WWOX: variants seen among roughly 807,000 people sequenced by gnomAD.
WWOX encodes the protein WW domain-containing oxidoreductase.
WWOX carries 69 observed loss-of-function variants against 46.2 expected under a neutral mutation model. The ratio of observed to expected loss-of-function variants is 1.49; its 90% confidence interval spans 1.23 to 1.82. WWOX has a LOEUF of 1.82. Ranked by LOEUF, WWOX falls within the 40% of genes most tolerant of loss-of-function variation. The probability of loss-of-function intolerance (pLI) is 0.00; values close to 1 mark genes in which losing one functional copy is unlikely to be tolerated. For synonymous variants in WWOX, 359 were observed against 202.6 expected, an observed-to-expected ratio of 1.77 and a Z score of -6.56; for missense variants, 919 against 542.6, an observed-to-expected ratio of 1.69 and a Z score of -6.89.
chr16:79,092,603 T>G (rs1187424925), intron 8 of WWOX, among the ~76,000 whole-genome samples: 2 of 152,194 alleles, frequency 1.3e-5, no homozygotes, highest in African/African-American at 4.8e-5. Context: ...GTCTTTAGCC[T>G]GATCTGATTC....
chr16:78,515,795 G>T (rs2043222616), intron 8 of WWOX, among the ~76,000 whole-genome samples: 1 of 152,122 alleles, frequency 6.6e-6, no homozygotes, highest in Admixed American at 6.5e-5. Flanking sequence ...AGGGTACAGG[G>T]TCTTCTTCCA....
At chr16:79,190,184 C>G (rs933890324) in intron 8 of WWOX, among the ~76,000 whole-genome samples, 1 of 152,162 alleles carries the variant, frequency 6.6e-6, no homozygotes, top group East Asian at 1.9e-4. Flanking sequence ...AACACCACGC[C>G]TGGCTAACTT....
At chr16:78,730,020 T>A (rs908792555) in intron 8 of WWOX, among the ~76,000 whole-genome samples, 1 of 152,214 alleles carries the variant, frequency 6.6e-6, no homozygotes, top group South Asian at 2.1e-4. Context: ...TACTTCCAGT[T>A]GTTTCTTATG....
At chr16:78,500,772 A>G (rs1197866997) in intron 8 of WWOX, among the ~76,000 whole-genome samples, 1 of 152,164 alleles carries the variant, frequency 6.6e-6, no homozygotes, top group African/African-American at 2.4e-5. Flanking sequence ...TCTATGATGA[A>G]TTATTCAGGC....
intron 8 of WWOX, among the ~76,000 whole-genome samples, chr16:78,474,187 A>G (rs908722583): frequency 1.2e-4 from 18 of 152,200 alleles, no homozygotes; most frequent in Admixed American, 2.0e-4. Context: ...ACATTGTTCA[A>G]ATTTTCATTA....
intron 8 of WWOX, among the ~76,000 whole-genome samples, chr16:79,055,519 AG>A (rs1229391211): frequency 6.6e-6 from 1 of 152,194 alleles, no homozygotes; most frequent in Non-Finnish European, 1.5e-5. Flanking sequence ...ATCCATTGGA[AG>A]TCATCCCATT....
At chr16:78,910,023 A>C (rs969909283) in intron 8 of WWOX, among the ~76,000 whole-genome samples, 13 of 152,194 alleles carry the variant, frequency 8.5e-5, no homozygotes, top group Non-Finnish European at 1.5e-4. Flanking sequence ...GTATAATTAC[A>C]TTTGATGTAA....
intron 8 of WWOX, among the ~76,000 whole-genome samples, chr16:78,783,312 A>C (rs75893882): frequency 1.3e-3 from 191 of 152,354 alleles, no homozygotes; most frequent in Non-Finnish European, 1.9e-3. Context: ...AGTTGAATGA[A>C]ACATGCCATG....
At chr16:78,187,430 A>C (rs1408795603) in intron 5 of WWOX, among the ~76,000 whole-genome samples, 1 of 152,162 alleles carries the variant, frequency 6.6e-6, no homozygotes, top group Non-Finnish European at 1.5e-5. Context: ...GGTGAAAACC[A>C]GTCTCTACTA....
chr16:78,249,306 G>A lies in WWOX; in HGVS notation c.516+85017G>A, dbSNP rs79364654. On this transcript the variant is annotated intron_variant, in intron 5 of 8. Coordinates refer to ENST00000566780, the MANE Select transcript of WWOX (RefSeq NM_016373.4). ...ATGCAAAGCTGCACTGCCTCACGAG[G>A]TCGCTGATGCACTCTCATTCCTTTT... is the stretch of plus-strand genomic sequence containing the variant. Among the ~76,000 whole-genome samples the A allele has an allele frequency of 1.2e-3, 186 of 152,292 alleles. 1 individual carries two copies. Among genetic ancestry groups the A allele is most frequent in the South Asian group, 2.3e-3 (11 of 4,826 alleles).
intron 8 of WWOX, among the ~76,000 whole-genome samples, chr16:78,495,577 C>G (rs944544728): frequency 2.7e-5 from 4 of 149,800 alleles, no homozygotes; most frequent in African/African-American, 9.9e-5. Flanking sequence ...GGTGTGATCT[C>G]AGCTCACTGC....
chr16:78,186,104 C>G (rs1892993597), intron 5 of WWOX, among the ~76,000 whole-genome samples: 1 of 152,142 alleles, frequency 6.6e-6, no homozygotes, highest in South Asian at 2.1e-4. Context: ...TATAAAATAA[C>G]ATGACTCCCA....
chr16:78,814,727 T>G (rs1022667568), intron 8 of WWOX, among the ~76,000 whole-genome samples: 2 of 152,222 alleles, frequency 1.3e-5, no homozygotes, highest in Non-Finnish European at 2.9e-5. Context: ...AGTTCTGCCT[T>G]CATGTAACAA....
intron 5 of WWOX, among the ~76,000 whole-genome samples, chr16:78,288,962 G>C (rs574655903): frequency 2.0e-5 from 3 of 152,270 alleles, no homozygotes; most frequent in African/African-American, 7.2e-5. Context: ...TGAGATTGTT[G>C]AGTGTTGCCA....
At chr16:79,055,140 A>G (rs1221277864) in intron 8 of WWOX, among the ~76,000 whole-genome samples, 2 of 152,248 alleles carry the variant, frequency 1.3e-5, no homozygotes, top group African/African-American at 2.4e-5. Flanking sequence ...GAAGAAAAAA[A>G]CATTCCTCCT....
At chr16:78,592,963 C>T (rs113481809) in intron 8 of WWOX, among the ~76,000 whole-genome samples, 1,680 of 152,310 alleles carry the variant, frequency 0.011, 10 homozygotes, top group Non-Finnish European at 0.018. Flanking sequence ...TACTGCTTCT[C>T]TCCCAGTGGT....
intron 8 of WWOX, among the ~76,000 whole-genome samples, chr16:78,701,205 G>A (rs752147003): frequency 9.2e-5 from 14 of 152,056 alleles, no homozygotes; most frequent in Non-Finnish European, 1.9e-4. Flanking sequence ...TATTTGCTGT[G>A]GTTATTTAGT....
intron 8 of WWOX, among the ~76,000 whole-genome samples, chr16:78,703,385 G>A (rs946371753): frequency 3.3e-5 from 5 of 152,108 alleles, no homozygotes; most frequent in Non-Finnish European, 7.3e-5. Context: ...GGAGGCTGAG[G>A]TGGGAGGATT....
At chr16:78,430,294 G>C (rs1293748258) in intron 7 of WWOX, among the ~76,000 whole-genome samples, 1 of 152,086 alleles carries the variant, frequency 6.6e-6, no homozygotes, top group Non-Finnish European at 1.5e-5. Flanking sequence ...TTGACACATG[G>C]GGGTTATTAC....
Sources: allele counts gnomAD v4.1 joint callset (sites outside exome capture counted in the v4.1 genomes callset), GRCh38; gene constraint gnomAD v4.1.1; transcripts MANE v1.5; gene names NCBI Gene and HGNC (gene_info 2026-07-23, HGNC 2026-07-21).